SH3GL2: variants seen among roughly 807,000 people sequenced by gnomAD.
The protein encoded by SH3GL2 is endophilin-A1.
SH3GL2 carries 24 observed loss-of-function variants against 46.0 expected under a neutral mutation model. The ratio of observed to expected loss-of-function variants is 0.52; its 90% CI spans 0.38 to 0.73. SH3GL2 has a LOEUF of 0.73. SH3GL2 is among the 30% of genes least tolerant of loss of function. The probability of loss-of-function intolerance (pLI) is 0.00; values close to 1 mark genes in which losing one functional copy is unlikely to be tolerated. For missense variants in SH3GL2, 413 were observed against 424.2 expected (o/e 0.97, Z 0.23); for synonymous variants, 196 against 147.1 (o/e 1.33, Z -2.40).
At chr9:17,783,455 A>G (rs1823869621) in intron 3 of SH3GL2, among the ~76,000 whole-genome samples, 1 of 151,322 alleles carries the variant, frequency 6.6e-6, no homozygotes, top group Non-Finnish European at 1.5e-5. Context: ...TCAGAGGAAA[A>G]TAACTCAGGC....
Position 17,758,307 on chromosome 9 carries a change from T to C in SH3GL2, c.115-3130T>C, listed in dbSNP as rs570398917. Among the ~76,000 whole-genome samples the C allele has an allele frequency of 2.0e-4, 30 of 152,120 alleles. 2 individuals carry two copies. The South Asian group carries it at 5.6e-3, about 28-fold the overall frequency. ...CTGGTGCAGTGACTCATGCCTGTAA[T>C]CCCAGCACTTTGGAAGGCCAAGGCG... On this transcript the variant is annotated intron_variant, in intron 2 of 8. Transcript: ENST00000380607.
At chr9:17,724,994 G>A (rs1821986555) in intron 1 of SH3GL2, among the ~76,000 whole-genome samples, 1 of 152,084 alleles carries the variant, frequency 6.6e-6, no homozygotes, top group Admixed American at 6.5e-5. Flanking sequence ...GTAGATAAGT[G>A]GTTCTTTCTC....
intron 1 of SH3GL2, among the ~76,000 whole-genome samples, chr9:17,602,479 C>T (rs1429862842): frequency 6.6e-6 from 1 of 152,148 alleles, no homozygotes; most frequent in African/African-American, 2.4e-5. Flanking sequence ...CCACCAGCCA[C>T]CTTGCCTCTT....
chr9:17,787,808 A>G (rs1211841751), intron 5 of SH3GL2, among the ~76,000 whole-genome samples: 4 of 152,164 alleles, frequency 2.6e-5, no homozygotes, highest in African/African-American at 7.2e-5. Context: ...TCCTGAGAAT[A>G]CACAGTTTTG....
chr9:17,609,877 C>T (rs1264090832), intron 1 of SH3GL2, among the ~76,000 whole-genome samples: 1 of 152,130 alleles, frequency 6.6e-6, no homozygotes, highest in Non-Finnish European at 1.5e-5. Context: ...GCAAGACACA[C>T]CACACCTGGG....
chr9:17,717,210 G>C (rs1033365024), intron 1 of SH3GL2, among the ~76,000 whole-genome samples: 1 of 152,110 alleles, frequency 6.6e-6, no homozygotes, highest in Non-Finnish European at 1.5e-5. Context: ...ATCCAGTGCC[G>C]CATAAATCGC....
chr9:17,789,598 A>C, intron 6 of SH3GL2, 48 bp downstream of exon 6: 1 of 1,607,958 alleles, frequency 6.2e-7, no homozygotes, highest in Non-Finnish European at 8.5e-7. Context: ...TCGAGGCACA[A>C]CATTAATATG....
chr9:17,758,988 G>A (rs1823090972), intron 2 of SH3GL2, among the ~76,000 whole-genome samples: 1 of 152,178 alleles, frequency 6.6e-6, no homozygotes, highest in African/African-American at 2.4e-5. Context: ...GGGTCTCTGG[G>A]TCTTCCCTGA....
chr9:17,789,490 G>A lies in SH3GL2; in HGVS notation c.564G>A (p.Glu188=), dbSNP rs750231629. 1.1e-5 allele frequency: 17 copies of A among 1,613,294 alleles called. No individual in the cohort carries two copies. The South Asian group carries it at 1.9e-4, about 18-fold the overall frequency. The change falls in exon 6 of 9, where the codon GAG becomes GAA. Residue 188 remains glutamate, a synonymous_variant. Coordinates refer to ENST00000380607, the MANE Select transcript of SH3GL2 (RefSeq NM_003026.5). ...ATGAAGAGCTTCGTCAAGCTCTAGA[G>A]AAATTTGATGAGTCTAAGGAAATTG... is the stretch of plus-strand genomic sequence containing the variant. ...IPDEELRQAL[E]KFDESKEIAE... is the part of the protein sequence containing the mutation.
intron 1 of SH3GL2, among the ~76,000 whole-genome samples, chr9:17,649,596 G>C (rs61604118): frequency 6.6e-6 from 1 of 152,134 alleles, no homozygotes; most frequent in African/African-American, 2.4e-5. Context: ...GGAAAAAATA[G>C]TTTACTATGT....
intron 1 of SH3GL2, among the ~76,000 whole-genome samples, chr9:17,609,833 TGGG>T (rs1019292820): frequency 6.6e-6 from 1 of 152,112 alleles, no homozygotes; most frequent in African/African-American, 2.4e-5. Context: ...TCATTGATAA[TGGG>T]GGGTAGGTTG....
intron 7 of SH3GL2, among the ~76,000 whole-genome samples, chr9:17,791,750 C>G (rs958010717): frequency 1.3e-5 from 2 of 152,176 alleles, no homozygotes; most frequent in Non-Finnish European, 2.9e-5. Context: ...AGTAACTAGC[C>G]CAGGGTCACT....
At chr9:17,751,477 T>C (rs1018248736) in intron 2 of SH3GL2, among the ~76,000 whole-genome samples, 3 of 132,682 alleles carry the variant, frequency 2.3e-5, no homozygotes, top group East Asian at 4.0e-4. Context: ...TTTTTGTGTG[T>C]GCGTGTGTGT....
chr9:17,682,338 A>G (rs1273325620), intron 1 of SH3GL2, among the ~76,000 whole-genome samples: 1 of 152,216 alleles, frequency 6.6e-6, no homozygotes, highest in African/African-American at 2.4e-5. Context: ...GACTGGATAA[A>G]GCAAATGTGG....
At position 17,579,153 on chromosome 9, in the gene SH3GL2, G is replaced by A. The variant is rs917892339; in HGVS notation, c.-90G>A. 1.1e-6 allele frequency: 1 copy of A among 926,578 alleles called. No homozygotes were observed. Among genetic ancestry groups the A allele is most frequent in the Non-Finnish European group, 1.5e-6 (1 of 651,880 alleles). 57.4% of individuals were successfully genotyped at this position (926,578 alleles called of 1,614,324 possible). A position where few individuals can be genotyped will look rare whatever the true frequency, so the allele number is the denominator to read the frequency against. ...CCCGGCGGCGGCACGACCAGAGGCG[G>A]CCAGGGGAGCGCGCCGCCCCGCTCG... On this transcript the variant is annotated 5_prime_UTR_variant, in exon 1 of 9. Transcript: ENST00000380607.
At chr9:17,775,228 G>C (rs1345092304) in intron 3 of SH3GL2, among the ~76,000 whole-genome samples, 9 of 151,936 alleles carry the variant, frequency 5.9e-5, no homozygotes, top group Admixed American at 5.9e-4. Context: ...TCTTTTCCAA[G>C]AACAAACTTT....
intron 2 of SH3GL2, among the ~76,000 whole-genome samples, chr9:17,760,896 G>A (rs1260966179): frequency 6.6e-6 from 1 of 152,142 alleles, no homozygotes; most frequent in Admixed American, 6.6e-5. Context: ...TTAGAGGATA[G>A]AACAAATTTG....
chr9:17,701,558 A>G (rs1268495654), intron 1 of SH3GL2, among the ~76,000 whole-genome samples: 1 of 152,180 alleles, frequency 6.6e-6, no homozygotes, highest in Non-Finnish European at 1.5e-5. Context: ...TTGTATACCT[A>G]GAAAACTTTA....
intron 1 of SH3GL2, among the ~76,000 whole-genome samples, chr9:17,636,081 C>G (rs940577020): frequency 6.6e-6 from 1 of 152,150 alleles, no homozygotes; most frequent in Non-Finnish European, 1.5e-5. Context: ...TTTAATATAA[C>G]TGGAGTTAGA....
Sources: allele counts gnomAD v4.1 joint callset (sites outside exome capture counted in the v4.1 genomes callset), GRCh38; gene constraint gnomAD v4.1.1; transcripts MANE v1.5; gene names NCBI Gene and HGNC (gene_info 2026-07-23, HGNC 2026-07-21).